FAM153A: variants seen among roughly 807,000 people sequenced by gnomAD.
FAM153A encodes the protein family with sequence similarity 153 member A.
Under a neutral mutation model 48.1 loss-of-function variants are expected in FAM153A, and 12 were observed. The ratio of observed to expected loss-of-function variants is 0.25; its 90% confidence interval spans 0.16 to 0.40. FAM153A has a LOEUF of 0.40. FAM153A is among the 10% of genes least tolerant of loss of function. The pLI is 1.00. For synonymous variants in FAM153A, 36 were observed against 118.2 expected (o/e 0.30, Z 4.51); for missense variants, 111 against 345.8 (o/e 0.32, Z 5.38).
intron 25 of FAM153A, chr5:177,714,212 A>G (rs978824630): frequency 6.6e-6 from 1 of 150,660 alleles, no homozygotes; most frequent in Non-Finnish European, 1.5e-5. Flanking sequence ...TATGAAAAGC[A>G]ATATATTAAC....
chr5:177,704,572 G>A (rs1302809290), downstream of FAM153A, among the ~76,000 whole-genome samples: 1 of 149,012 alleles, frequency 6.7e-6, no homozygotes, highest in Non-Finnish European at 1.5e-5. Context: ...CCATGGAGGC[G>A]GTTTCTCTGT....
chr5:177,758,587 T>C (rs1343081686), intron 1 of FAM153A, among the ~76,000 whole-genome samples: 3 of 141,854 alleles, frequency 2.1e-5, no homozygotes, highest in Non-Finnish European at 4.8e-5. Context: ...ACTACAAGGC[T>C]ACAGTAACCA....
chr5:177,715,440 C>A (rs1451839132), intron 25 of FAM153A, among the ~76,000 whole-genome samples: 1 of 151,554 alleles, frequency 6.6e-6, no homozygotes, highest in Non-Finnish European at 1.5e-5. Flanking sequence ...TCAGGTAGCA[C>A]AAATTGCATG....
downstream of FAM153A, among the ~76,000 whole-genome samples, chr5:177,709,670 T>G (rs1758221969): frequency 8.0e-6 from 1 of 125,030 alleles, no homozygotes; most frequent in Non-Finnish European, 1.8e-5. Flanking sequence ...TGGGTTTTTT[T>G]TTTGTTTTTT....
At chr5:177,749,773 A>G (rs1766577443) in intron 2 of FAM153A, among the ~76,000 whole-genome samples, 1 of 140,808 alleles carries the variant, frequency 7.1e-6, no homozygotes, top group Non-Finnish European at 1.5e-5. Context: ...GGCCTCTATC[A>G]TTATAGAATT....
chr5:177,707,585 ATGAC>A (rs1432093043), downstream of FAM153A, among the ~76,000 whole-genome samples: 1 of 151,902 alleles, frequency 6.6e-6, no homozygotes, highest in African/African-American at 2.4e-5. Context: ...TTGTAACAAA[ATGAC>A]TGGCAGGGAA....
chr5:177,709,129 A>G (rs202184032), downstream of FAM153A, among the ~76,000 whole-genome samples: 1,388 of 133,422 alleles, frequency 0.01, 26 homozygotes, highest in African/African-American at 0.029. Flanking sequence ...AAAAAAAAAA[A>G]AAAGAAAGAA....
downstream of FAM153A, among the ~76,000 whole-genome samples, chr5:177,703,601 TCGGG>T (rs1436837075): frequency 2.1e-5 from 3 of 145,574 alleles, no homozygotes; most frequent in African/African-American, 7.8e-5. Context: ...ATGTTTGAGG[TCGGG>T]CATGGTGGGG....
chr5:177,738,058 C>G (rs1224544167), intron 10 of FAM153A, among the ~76,000 whole-genome samples: 1 of 151,548 alleles, frequency 6.6e-6, no homozygotes, highest in East Asian at 1.9e-4. Context: ...CATGCTCACA[C>G]TGGCTCCAGC....
chr5:177,780,080 CA>C (rs1769534479), intron 1 of FAM153A, among the ~76,000 whole-genome samples: 1 of 70,608 alleles, frequency 1.4e-5, no homozygotes, highest in African/African-American at 5.3e-5. Flanking sequence ...CAACTTATTA[CA>C]AAAATGAACT....
chr5:177,711,400 C>T (rs1201479798), exon 27 of FAM153A: 2 of 151,944 alleles, frequency 1.3e-5, no homozygotes, highest in Non-Finnish European at 2.9e-5. Context: ...AAGCAAACCT[C>T]ATTTTCAAAT....
At chr5:177,764,384 GGGCGACTTC>G (rs1271707998) in intron 1 of FAM153A, among the ~76,000 whole-genome samples, 1 of 151,256 alleles carries the variant, frequency 6.6e-6, no homozygotes, top group Non-Finnish European at 1.5e-5. Flanking sequence ...GCCCAAGTGA[GGGCGACTTC>G]GGCTGGACCC....
At chr5:177,734,747 A>T in intron 13 of FAM153A, 116 bp downstream of exon 15, 1 of 1,578,770 alleles carries the variant, frequency 6.3e-7, no homozygotes, top group South Asian at 1.1e-5. Flanking sequence ...CATTTCCCTC[A>T]AGGACACTGT....
downstream of FAM153A, among the ~76,000 whole-genome samples, chr5:177,703,314 G>A (rs1223310504): frequency 6.6e-6 from 1 of 151,964 alleles, no homozygotes; most frequent in African/African-American, 2.4e-5. Flanking sequence ...TTTCAGACTT[G>A]CATGGGGCCT....
chr5:177,769,214 C>CAG lies in FAM153A; in HGVS notation c.-57+11233_-57+11234dup, dbSNP rs1187250869. Among the ~76,000 whole-genome samples the CAG allele has an allele frequency of 1.3e-4, 7 of 55,482 alleles. 1 individual carries two copies. Among genetic ancestry groups the CAG allele is most frequent in the East Asian group, 5.1e-4 (1 of 1,944 alleles). The allele number at this position is 55,482 out of a possible 152,430, so 36.4% of individuals were successfully genotyped here. On this transcript the variant is annotated intron_variant, in intron 1 of 8. Transcript: ENST00000393518. The stretch of plus-strand genomic sequence containing the variant: ...CAGCATTGCACTCCAGCCTGGGCGA[C>CAG]AGCGAGACTCCGTCCCAAAAAAAAA...
intron 18 of FAM153A, among the ~76,000 whole-genome samples, chr5:177,728,485 C>G (rs1417271535): frequency 1.8e-4 from 26 of 148,052 alleles, no homozygotes; most frequent in African/African-American, 5.6e-4. Flanking sequence ...CCCCACCTTA[C>G]ATGACACTGC....
At chr5:177,725,632 C>T (rs1182492231) in intron 18 of FAM153A, among the ~76,000 whole-genome samples, 1 of 151,404 alleles carries the variant, frequency 6.6e-6, no homozygotes, top group African/African-American at 2.5e-5. Context: ...GAAGACCTGA[C>T]ACAGAGAACA....
At chr5:177,696,037 C>T in the FAM153A span, among the ~76,000 whole-genome samples, 86 of 116,968 alleles carry the variant, frequency 7.4e-4, 1 homozygote, top group Non-Finnish European at 9.1e-4. Context: ...ATGGGGCGGC[C>T]GGGCAGAGGC....
downstream of FAM153A, among the ~76,000 whole-genome samples, chr5:177,708,789 T>G (rs1488650358): frequency 1.3e-5 from 2 of 151,502 alleles, no homozygotes; most frequent in Non-Finnish European, 2.9e-5. Context: ...TTCCTTTGTC[T>G]TTGATTTGAA....
Sources: gnomAD v4.1 joint callset for allele counts (sites outside exome capture counted in the v4.1 genomes callset) on GRCh38, gnomAD v4.1.1 for gene constraint, MANE v1.5 for transcripts, NCBI Gene and HGNC (gene_info 2026-07-23, HGNC 2026-07-21) for gene names.